FHIT: variants seen among roughly 807,000 people sequenced by gnomAD.
FHIT encodes the protein bis(5'-adenosyl)-triphosphatase.
Under a neutral mutation model 17.9 loss-of-function variants are expected in FHIT, and 19 were observed. The observed-to-expected ratio is 1.06, with a 90% CI of 0.74 to 1.56. The LOEUF (loss-of-function observed/expected upper bound fraction) is 1.56, where lower values mean the gene tolerates loss of function less well. FHIT is among the 40% of genes most tolerant of loss of function. The pLI is 0.00. For missense variants in FHIT, 248 were observed against 189.2 expected, an observed-to-expected ratio of 1.31 and a Z score of -1.82; for synonymous variants, 81 against 69.7, an observed-to-expected ratio of 1.16 and a Z score of -0.81.
chr3:60,231,902 C>G (rs1704514519), intron 5 of FHIT, among the ~76,000 whole-genome samples: 1 of 152,112 alleles, frequency 6.6e-6, no homozygotes, highest in African/African-American at 2.4e-5. Context: ...CTGATTTAAT[C>G]AACTGAAGGC....
At chr3:59,967,631 G>A (rs1575783932) in intron 7 of FHIT, among the ~76,000 whole-genome samples, 2 of 152,172 alleles carry the variant, frequency 1.3e-5, no homozygotes, top group East Asian at 3.9e-4. Context: ...TGTTTCAGAA[G>A]GGTTGGTGGA....
At position 60,122,897 on chromosome 3, in the gene FHIT, A is replaced by G. The variant is rs1373939301; in HGVS notation, c.104-108745T>C. The stretch of plus-strand genomic sequence containing the variant: ...AATTTTAAGTCATAAGGGATCTGAA[A>G]TGTTTCCAGAGTTTTAAAATGGACT... On this transcript the variant is annotated intron_variant, in intron 5 of 9. Coordinates refer to ENST00000492590, the MANE Select transcript of FHIT (RefSeq NM_002012.4). Among the ~76,000 whole-genome samples the G allele has an allele frequency of 2.0e-5, 3 of 152,234 alleles. 1 individual carries two copies. The highest frequency in any genetic ancestry group is 6.3e-3 in the Middle Eastern group (2 of 316).
chr3:60,993,473 G>A (rs1447952509), intron 3 of FHIT, among the ~76,000 whole-genome samples: 1 of 152,094 alleles, frequency 6.6e-6, no homozygotes, highest in Non-Finnish European at 1.5e-5. Context: ...TTCTTTCTGT[G>A]TGTTTACTGA....
chr3:59,915,550 T>C (rs1185741980), intron 8 of FHIT, among the ~76,000 whole-genome samples: 1 of 152,178 alleles, frequency 6.6e-6, no homozygotes, highest in Non-Finnish European at 1.5e-5. Context: ...CTTTTCCTCT[T>C]TAGTGTCCAA....
chr3:61,236,589 A>G (rs2040236908), intron 1 of FHIT, among the ~76,000 whole-genome samples: 1 of 152,172 alleles, frequency 6.6e-6, no homozygotes, highest in Non-Finnish European at 1.5e-5. Flanking sequence ...CTTCAGAATG[A>G]TCAGATCCAA....
At chr3:60,834,072 C>G (rs1702432684) in intron 3 of FHIT, among the ~76,000 whole-genome samples, 1 of 152,148 alleles carries the variant, frequency 6.6e-6, no homozygotes, top group South Asian at 2.1e-4. Context: ...GGGGCTATTA[C>G]AGATAAAGCT....
At chr3:61,161,958 C>T (rs761727194) in intron 2 of FHIT, among the ~76,000 whole-genome samples, 8 of 152,166 alleles carry the variant, frequency 5.3e-5, no homozygotes, top group Admixed American at 1.3e-4. Context: ...AGAGAAAAAA[C>T]GGGATGATTT....
At chr3:60,264,772 T>A (rs111949233) in intron 5 of FHIT, among the ~76,000 whole-genome samples, 118 of 152,100 alleles carry the variant, frequency 7.8e-4, no homozygotes, top group African/African-American at 2.6e-3. Flanking sequence ...AACCATGTAC[T>A]CATTAATGAG....
intron 3 of FHIT, among the ~76,000 whole-genome samples, chr3:60,936,606 T>C (rs1364760649): frequency 6.6e-6 from 1 of 152,206 alleles, no homozygotes; most frequent in Non-Finnish European, 1.5e-5. Flanking sequence ...CATGTGACTA[T>C]CTTTTGATTT....
chr3:60,239,341 G>A (rs1321692898), intron 5 of FHIT, among the ~76,000 whole-genome samples: 2 of 152,124 alleles, frequency 1.3e-5, no homozygotes, highest in Non-Finnish European at 2.9e-5. Context: ...AAGGTGGGAG[G>A]ATTGGGTGAG....
chr3:59,775,391 T>C (rs1336096593), intron 8 of FHIT, among the ~76,000 whole-genome samples: 5 of 152,204 alleles, frequency 3.3e-5, no homozygotes, highest in East Asian at 1.9e-4. Flanking sequence ...TAGTTGTAAG[T>C]AATTTTCCTC....
intron 4 of FHIT, among the ~76,000 whole-genome samples, chr3:60,728,652 AAT>A (rs2107981156): frequency 6.6e-6 from 1 of 151,908 alleles, no homozygotes; most frequent in East Asian, 1.9e-4. Flanking sequence ...ATACTTGACC[AAT>A]TTAAAATTTA....
At chr3:60,075,817 T>C (rs1702982362) in intron 5 of FHIT, among the ~76,000 whole-genome samples, 1 of 152,126 alleles carries the variant, frequency 6.6e-6, no homozygotes, top group Non-Finnish European at 1.5e-5. Flanking sequence ...GGCATTCTCA[T>C]GAAGCTGAGT....
chr3:61,203,968 G>A (rs575371217), intron 1 of FHIT, among the ~76,000 whole-genome samples: 5 of 152,260 alleles, frequency 3.3e-5, no homozygotes, highest in African/African-American at 4.8e-5. Context: ...TCAGCAATAC[G>A]ATAAACACTT....
chr3:60,808,246 T>A lies in FHIT; in HGVS notation c.-18+13673A>T, dbSNP rs1007316785. ...TGTGATATGTGGCTAAAAATATTGA[T>A]TTTTTTCTTTTACACTTTTGTTTTT... On this transcript the variant is annotated intron_variant, in intron 4 of 9. Transcript: ENST00000492590. Among the ~76,000 whole-genome samples, 16 of 152,222 alleles carry A rather than the reference T, an allele frequency of 1.1e-4. No individual in the cohort carries two copies. The South Asian group carries it at 1.7e-3, about 16-fold the overall frequency.
intron 8 of FHIT, among the ~76,000 whole-genome samples, chr3:59,845,729 T>C (rs1283393392): frequency 6.6e-6 from 1 of 152,152 alleles, no homozygotes; most frequent in African/African-American, 2.4e-5. Flanking sequence ...TCACGTGTAC[T>C]TGAGAAGAAT....
chr3:61,082,557 G>T (rs150644758), intron 2 of FHIT, among the ~76,000 whole-genome samples: 12 of 152,140 alleles, frequency 7.9e-5, no homozygotes, highest in Non-Finnish European at 1.2e-4. Context: ...CATTTTTAGC[G>T]TATATCTAGT....
chr3:61,190,523 T>C (rs556408717), intron 2 of FHIT, among the ~76,000 whole-genome samples: 23 of 152,288 alleles, frequency 1.5e-4, no homozygotes, highest in Admixed American at 7.8e-4. Flanking sequence ...GTCAGTGTGG[T>C]GATTCCTCAG....
intron 4 of FHIT, among the ~76,000 whole-genome samples, chr3:60,599,999 TA>T (rs1414103580): frequency 6.6e-6 from 1 of 152,164 alleles, no homozygotes; most frequent in Non-Finnish European, 1.5e-5. Context: ...CAGATGTCGC[TA>T]AATGTGTTCA....
Sources: gnomAD v4.1 joint callset for allele counts (sites outside exome capture counted in the v4.1 genomes callset) on GRCh38, gnomAD v4.1.1 for gene constraint, MANE v1.5 for transcripts, NCBI Gene and HGNC (gene_info 2026-07-23, HGNC 2026-07-21) for gene names.